GATB: variants seen among roughly 807,000 people sequenced by gnomAD.
The protein encoded by GATB is glutamyl-tRNA amidotransferase subunit B.
GATB carries 39 observed loss-of-function variants against 62.3 expected under a neutral mutation model. The ratio of observed to expected loss-of-function variants is 0.63; its 90% confidence interval spans 0.48 to 0.82. GATB has a LOEUF of 0.82. GATB is among the 40% of genes least tolerant of loss of function. GATB has a pLI of 0.00. For synonymous variants in GATB, 276 were observed against 258.9 expected, an observed-to-expected ratio of 1.07 and a Z score of -0.63; for missense variants, 670 against 684.0, an observed-to-expected ratio of 0.98 and a Z score of 0.23.
In GATB at chr4:151,755,794, A is replaced by G. The variant is rs1323153079; in HGVS notation, c.327+2978T>C. Among the ~76,000 whole-genome samples the G allele has an allele frequency of 6.6e-5, 10 of 152,310 alleles. No individual in the cohort carries two copies. In the East Asian group the frequency reaches 1.9e-3, roughly 29 times the overall value. On this transcript the variant is annotated intron_variant, in intron 2 of 12. Transcript: ENST00000263985. ...CACTGATTTTTGCTTCTTCTTACAT[A>G]TATTTTCCCTTGTTGGTTTATTCTT...
At chr4:151,700,099 G>C (rs180671615) in intron 9 of GATB, among the ~76,000 whole-genome samples, 1 of 152,192 alleles carries the variant, frequency 6.6e-6, no homozygotes, top group Non-Finnish European at 1.5e-5. Flanking sequence ...GTTTTGTTAC[G>C]TCAACCTAGG....
chr4:151,755,117 T>A (rs746673876), intron 2 of GATB, among the ~76,000 whole-genome samples: 6 of 152,192 alleles, frequency 3.9e-5, no homozygotes, highest in Non-Finnish European at 8.8e-5. Flanking sequence ...TAAGAGCACT[T>A]ACTACATGCA....
At chr4:151,703,686 C>T (rs1004808491) in intron 8 of GATB, 165 bp downstream of exon 8, 6 of 643,276 alleles carry the variant, frequency 9.3e-6, no homozygotes, top group African/African-American at 3.7e-5. Context: ...GTACTTCTCT[C>T]GGTATGCATA....
At chr4:151,680,201 A>G (rs749982) in intron 10 of GATB, among the ~76,000 whole-genome samples, 90,433 of 151,624 alleles carry the variant, frequency 0.6, 29,516 homozygotes, top group African/African-American at 0.88. Flanking sequence ...TGCAAAATTC[A>G]TGAACCACAA....
At chr4:151,717,430 T>A in intron 3 of GATB, 1 of 264,446 alleles carries the variant, frequency 3.8e-6, no homozygotes, top group Non-Finnish European at 7.3e-6. Flanking sequence ...ATCCAGCTCA[T>A]TAGCCTAAAC....
chr4:151,691,538 G>A (rs1174334850), intron 9 of GATB: 1 of 152,218 alleles, frequency 6.6e-6, no homozygotes, highest in Admixed American at 6.5e-5. Flanking sequence ...GATCAATGCT[G>A]GTGTGAGGCA....
intron 9 of GATB, among the ~76,000 whole-genome samples, chr4:151,694,966 A>G (rs1274756016): frequency 6.6e-6 from 1 of 152,218 alleles, no homozygotes; most frequent in Non-Finnish European, 1.5e-5. Flanking sequence ...ACAAAGGATT[A>G]TGATTTTAAA....
chr4:151,690,322 T>G (rs1738338577), intron 9 of GATB, among the ~76,000 whole-genome samples: 1 of 152,254 alleles, frequency 6.6e-6, no homozygotes, highest in African/African-American at 2.4e-5. Flanking sequence ...TTTAATCTCT[T>G]TTCAAGCCAG....
chr4:151,683,945 C>G (rs1738195712), intron 10 of GATB, among the ~76,000 whole-genome samples: 1 of 152,218 alleles, frequency 6.6e-6, no homozygotes, highest in Non-Finnish European at 1.5e-5. Flanking sequence ...CCTGAAAAAT[C>G]TAGTACCTTA....
At chr4:151,708,179 G>C (rs1738752303) in intron 5 of GATB, 78 bp from the exon 6 acceptor site, 2 of 943,260 alleles carry the variant, frequency 2.1e-6, no homozygotes, top group Non-Finnish European at 3.4e-6. Context: ...AGTGTCAAAG[G>C]AAGCAGCATC....
chr4:151,748,532 A>G (rs1037910192), intron 2 of GATB, among the ~76,000 whole-genome samples: 3 of 152,194 alleles, frequency 2.0e-5, no homozygotes, highest in African/African-American at 7.2e-5. Flanking sequence ...TAAAGACTTA[A>G]ATGTTAGACC....
At position 151,701,509 on chromosome 4, in the gene GATB, T is replaced by C. The variant is rs1387687797; in HGVS notation, c.1017A>G (p.Pro339=). ...KEGKQDYRFM[P]EPNLPPLVLY... is the part of the protein sequence containing the mutation. ...GCACCAGGGGAGGCAGGTTGGGTTC[T>C]GGCATGAACCTGGGCAGACAGAGGA... is the stretch of plus-strand genomic sequence containing the variant. The change falls in exon 9 of 13, where the codon CCA becomes CCG. Residue 339 remains proline (P), a synonymous_variant. Transcript: ENST00000263985. 8.4e-6 allele frequency: 13 copies of C among 1,552,266 alleles called. No individual in the cohort carries two copies. Among genetic ancestry groups the C allele is most frequent in the Non-Finnish European group, 1.0e-5 (12 of 1,146,108 alleles).
intron 5 of GATB, among the ~76,000 whole-genome samples, chr4:151,710,195 A>T (rs766839227): frequency 6.6e-6 from 1 of 152,172 alleles, no homozygotes; most frequent in Non-Finnish European, 1.5e-5. Context: ...ACCAGAATGA[A>T]AGGCCCCTGA....
At chr4:151,703,083 CG>C (rs1165748300) in intron 8 of GATB, 2 of 152,160 alleles carry the variant, frequency 1.3e-5, no homozygotes, top group Non-Finnish European at 2.9e-5. Context: ...CAGACTCACC[CG>C]GGAAGTTCAC....
intron 9 of GATB, among the ~76,000 whole-genome samples, chr4:151,692,988 G>A (rs1484890614): frequency 2.6e-5 from 4 of 152,138 alleles, no homozygotes; most frequent in Non-Finnish European, 5.9e-5. Context: ...TTGCAGAGGC[G>A]CACACTGGAA....
At chr4:151,722,207 G>T (rs1169283519) in intron 2 of GATB, 3 of 702,096 alleles carry the variant, frequency 4.3e-6, no homozygotes, top group African/African-American at 1.8e-5. Flanking sequence ...AACTTGGGCT[G>T]TCTTCACTCT....
At chr4:151,676,375 A>G (rs1177909319) in intron 11 of GATB, 1 of 152,242 alleles carries the variant, frequency 6.6e-6, no homozygotes, top group Non-Finnish European at 1.5e-5. Flanking sequence ...AATTCCAGAA[A>G]CGTTAACTGG....
intron 2 of GATB, among the ~76,000 whole-genome samples, chr4:151,748,377 T>A (rs1346880903): frequency 6.6e-6 from 1 of 152,222 alleles, no homozygotes; most frequent in African/African-American, 2.4e-5. Context: ...AACTATCTGA[T>A]CTTTGACAAA....
intron 12 of GATB, 99 bp from the exon 13 acceptor site, chr4:151,671,401 G>A: frequency 6.7e-6 from 8 of 1,191,452 alleles, no homozygotes; most frequent in Middle Eastern, 2.5e-4. Context: ...ATTAAATTCC[G>A]CTTATTTCCA....
Sources: gnomAD v4.1 joint callset for allele counts (sites outside exome capture counted in the v4.1 genomes callset) on GRCh38, gnomAD v4.1.1 for gene constraint, MANE v1.5 for transcripts, NCBI Gene and HGNC (gene_info 2026-07-23, HGNC 2026-07-21) for gene names.